Variants in LAMA3 observed in about 807,000 individuals in gnomAD.
LAMA3 encodes the protein laminin subunit alpha 3, also known as laminin subunit alpha-3.
Under a neutral mutation model 402.0 loss-of-function variants are expected in LAMA3, and 281 were observed. That is an observed-to-expected ratio of 0.70 (90% CI 0.63 to 0.77). The LOEUF is 0.77. Among genes scored for constraint, LAMA3 ranks in the 30% least tolerant of loss-of-function variants. LAMA3 has a pLI of 0.00. For synonymous variants in LAMA3, 1,431 were observed against 1,558.4 expected (o/e 0.92, Z 1.93); for missense variants, 3,840 against 4,215.5 (o/e 0.91, Z 2.47).
chr18:23,920,736 G>A (rs770248017), intron 60 of LAMA3, among the ~76,000 whole-genome samples, 199 bp from the exon 61 acceptor site: 1 of 152,180 alleles, frequency 6.6e-6, no homozygotes, highest in Non-Finnish European at 1.5e-5. Context: ...CAACCACTGT[G>A]CGTGACATTT....
At chr18:23,865,201 C>G (rs2064326379) in intron 36 of LAMA3, among the ~76,000 whole-genome samples, 1 of 152,078 alleles carries the variant, frequency 6.6e-6, no homozygotes, top group Non-Finnish European at 1.5e-5. Context: ...ACTGTGTTGC[C>G]CAGGTTGGAG....
chr18:23,897,005 TA>T (rs1488740559), intron 44 of LAMA3, among the ~76,000 whole-genome samples: 3 of 151,810 alleles, frequency 2.0e-5, no homozygotes, highest in Non-Finnish European at 4.4e-5. Flanking sequence ...TCACTTCGGA[TA>T]AAATGAAAAC....
At chr18:23,795,403 G>A (rs374759447) in intron 12 of LAMA3, among the ~76,000 whole-genome samples, 20 of 152,318 alleles carry the variant, frequency 1.3e-4, no homozygotes, top group African/African-American at 4.8e-4. Flanking sequence ...GGCATTTATA[G>A]TGATAGCTGT....
chr18:23,754,299 T>C (rs2061803815), intron 6 of LAMA3, among the ~76,000 whole-genome samples: 1 of 152,210 alleles, frequency 6.6e-6, no homozygotes, highest in African/African-American at 2.4e-5. Flanking sequence ...TTTTGCAAAA[T>C]TGAAATTCTA....
At chr18:23,872,950 C>T (rs1024310706) in intron 38 of LAMA3, 1 of 1,518,402 alleles carries the variant, frequency 6.6e-7, no homozygotes, top group Non-Finnish European at 9.0e-7. Context: ...CCTTCCTCAC[C>T]TGAGTCAGGC....
intron 41 of LAMA3, among the ~76,000 whole-genome samples, chr18:23,885,276 C>G (rs1311451150): frequency 6.6e-6 from 1 of 151,720 alleles, no homozygotes; most frequent in East Asian, 1.9e-4. Flanking sequence ...GTACAACTGT[C>G]TACACTCTTC....
Position 23,861,736 on chromosome 18 carries a change from G to A in LAMA3, c.4513G>A (p.Asp1505Asn), listed in dbSNP as rs756834731. 1.2e-6 allele frequency: 2 copies of A among 1,614,014 alleles called. No individual in the cohort carries two copies. Among genetic ancestry groups the A allele is most frequent in the African/African-American group, 1.3e-5 (1 of 75,006 alleles). ...CCCAGGCAGCAACAGTATGGTGGCGGATCTCCAGGAGCTGCCCGCAACCAT... is the reference window on the plus strand; with the variant it reads ...CCCAGGCAGCAACAGTATGGTGGCGAATCTCCAGGAGCTGCCCGCAACCAT... The part of the protein sequence containing the change: ...FNPGSNSMVA[D>N]LQELPATIHS... The change falls in exon 35 of 75, where the codon GAT becomes AAT. Residue 1505 changes from aspartate (D) to asparagine (N), a missense_variant. This residue lies in a region of LAMA3 where 2,109 missense variants were observed against 2,376.0 expected (regional missense o/e 0.89). Transcript: ENST00000313654.
At chr18:23,845,230 C>G in intron 30 of LAMA3, 106 bp downstream of exon 30, 1 of 730,392 alleles carries the variant, frequency 1.4e-6, no homozygotes, top group Non-Finnish European at 2.5e-6. Flanking sequence ...TCCTCTTCCC[C>G]GCACTGCCCA....
At chr18:23,847,895 C>T (rs1054129693) in intron 32 of LAMA3, among the ~76,000 whole-genome samples, 13 of 152,196 alleles carry the variant, frequency 8.5e-5, no homozygotes, top group African/African-American at 2.4e-4. Context: ...CATCTTGGGC[C>T]GGCAGCAGCC....
At chr18:23,768,287 A>G (rs1338560370) in intron 8 of LAMA3, among the ~76,000 whole-genome samples, 1 of 152,214 alleles carries the variant, frequency 6.6e-6, no homozygotes, top group Non-Finnish European at 1.5e-5. Context: ...TAAATAGTTC[A>G]GCAAGCAAAA....
intron 12 of LAMA3, among the ~76,000 whole-genome samples, chr18:23,799,733 C>T (rs529240814): frequency 6.6e-6 from 1 of 151,508 alleles, no homozygotes; most frequent in East Asian, 1.9e-4. Flanking sequence ...TGTGTGTGTA[C>T]GTATGGAGAG....
chr18:23,749,996 G>T (rs1399746783), intron 4 of LAMA3, among the ~76,000 whole-genome samples: 1 of 152,176 alleles, frequency 6.6e-6, no homozygotes, highest in East Asian at 1.9e-4. Context: ...AGGACTCTGA[G>T]GTCCTACAGA....
At chr18:23,700,550 G>T (rs2060772983) in intron 1 of LAMA3, among the ~76,000 whole-genome samples, 1 of 152,122 alleles carries the variant, frequency 6.6e-6, no homozygotes, top group African/African-American at 2.4e-5. Context: ...CTAAAGACAT[G>T]ACCTTGAGTG....
intron 1 of LAMA3, among the ~76,000 whole-genome samples, chr18:23,702,982 G>A (rs939946822): frequency 2.6e-5 from 4 of 152,154 alleles, no homozygotes; most frequent in Non-Finnish European, 5.9e-5. Context: ...TAAAGTGCAA[G>A]GGGCCACGTC....
intron 32 of LAMA3, among the ~76,000 whole-genome samples, chr18:23,851,494 G>T (rs1014171970): frequency 3.3e-5 from 5 of 152,172 alleles, no homozygotes; most frequent in African/African-American, 1.2e-4. Context: ...GTAAAATAAG[G>T]ATCCTGGAGG....
intron 34 of LAMA3, 119 bp downstream of exon 34, chr18:23,858,948 C>T (rs1032903553): frequency 9.5e-7 from 1 of 1,051,050 alleles, no homozygotes; most frequent in South Asian, 1.3e-5. Context: ...CTGAATTCGT[C>T]AGTTGTTTGC....
At chr18:23,713,883 A>G (rs752865489) in intron 1 of LAMA3, 37 bp from the exon 2 acceptor site, 1 of 1,597,528 alleles carries the variant, frequency 6.3e-7, no homozygotes, top group Non-Finnish European at 8.5e-7. Context: ...AAAAATAAAA[A>G]ACAAAAAACA....
intron 7 of LAMA3, among the ~76,000 whole-genome samples, chr18:23,762,629 C>A (rs1191441518): frequency 6.6e-6 from 1 of 151,820 alleles, no homozygotes; most frequent in Non-Finnish European, 1.5e-5. Context: ...AGGATAGCTG[C>A]CCCGACACAC....
At chr18:23,948,624 C>T (rs570936093) in intron 70 of LAMA3, among the ~76,000 whole-genome samples, 1 of 151,202 alleles carries the variant, frequency 6.6e-6, no homozygotes, top group Non-Finnish European at 1.5e-5. Context: ...GGCTGGAGTG[C>T]AGTAGTACGA....
Sources: gnomAD v4.1 joint callset for allele counts (sites outside exome capture counted in the v4.1 genomes callset) on GRCh38, gnomAD v4.1.1 for gene constraint, gnomAD v4.1.1 regional missense constraint, MANE v1.5 for transcripts, NCBI Gene and HGNC (gene_info 2026-07-23, HGNC 2026-07-21) for gene names.